PRKCA: variants seen among roughly 807,000 people sequenced by gnomAD.
PRKCA encodes protein kinase C alpha.
In PRKCA, 27 loss-of-function variants were observed where a neutral mutation model predicts 87.0. The observed-to-expected ratio is 0.31, with a 90% CI of 0.23 to 0.43. The LOEUF is 0.43. Ranked by LOEUF, PRKCA falls within the 20% of genes least tolerant of loss-of-function variation. PRKCA has a pLI of 1.00. For synonymous variants in PRKCA, 329 were observed against 311.1 expected, an observed-to-expected ratio of 1.06 and a Z score of -0.61; for missense variants, 518 against 852.3, an observed-to-expected ratio of 0.61 and a Z score of 4.88.
intron 8 of PRKCA, among the ~76,000 whole-genome samples, chr17:66,704,422 A>G (rs971845615): frequency 1.3e-5 from 2 of 152,238 alleles, no homozygotes; most frequent in African/African-American, 2.4e-5. Context: ...TACTAACTCT[A>G]TAATAAAATT....
intron 2 of PRKCA, among the ~76,000 whole-genome samples, chr17:66,376,222 G>C (rs1490694716): frequency 6.6e-6 from 1 of 152,146 alleles, no homozygotes; most frequent in East Asian, 1.9e-4. Flanking sequence ...AGTCATGTTT[G>C]AGAAGGCCCC....
At chr17:66,362,468 C>T (rs904166622) in intron 2 of PRKCA, among the ~76,000 whole-genome samples, 1 of 152,158 alleles carries the variant, frequency 6.6e-6, no homozygotes, top group Non-Finnish European at 1.5e-5. Flanking sequence ...CTCAATTGTC[C>T]CACGATTTCC....
At chr17:66,516,376 C>T (rs559637972) in intron 3 of PRKCA, among the ~76,000 whole-genome samples, 68 of 152,166 alleles carry the variant, frequency 4.5e-4, no homozygotes, top group Middle Eastern at 3.4e-3. Context: ...CTCACCCCTG[C>T]AATCCCAGCA....
At chr17:66,674,724 A>G (rs1242233812) in intron 5 of PRKCA, among the ~76,000 whole-genome samples, 1 of 152,210 alleles carries the variant, frequency 6.6e-6, no homozygotes, top group African/African-American at 2.4e-5. Flanking sequence ...GTGGTAGAGA[A>G]TATCTCAGTT....
At chr17:66,384,604 C>CT (rs1369287735) in intron 2 of PRKCA, among the ~76,000 whole-genome samples, 1 of 151,986 alleles carries the variant, frequency 6.6e-6, no homozygotes, top group Admixed American at 6.5e-5. Flanking sequence ...CAATGACTCC[C>CT]TTCTCTGGTT....
intron 12 of PRKCA, 143 bp from the exon 13 acceptor site, chr17:66,742,479 C>T: frequency 2.3e-6 from 2 of 868,368 alleles, no homozygotes; most frequent in Non-Finnish European, 3.6e-6. Context: ...CACACATTGA[C>T]TTCTGATACT....
chr17:66,633,919 A>T (rs965467112), intron 3 of PRKCA, among the ~76,000 whole-genome samples: 16 of 152,214 alleles, frequency 1.1e-4, no homozygotes, highest in African/African-American at 3.6e-4. Context: ...TTGCAGACTT[A>T]CCTAGAATAT....
chr17:66,367,891 T>C (rs935543777), intron 2 of PRKCA, among the ~76,000 whole-genome samples: 7 of 152,206 alleles, frequency 4.6e-5, no homozygotes, highest in Non-Finnish European at 1.0e-4. Flanking sequence ...AATAAACTGT[T>C]GCATGCTAAT....
intron 13 of PRKCA, among the ~76,000 whole-genome samples, chr17:66,773,436 T>C (rs1301779727): frequency 2.6e-5 from 4 of 151,980 alleles, no homozygotes; most frequent in African/African-American, 9.7e-5. Flanking sequence ...TAAAGCCCTG[T>C]TACATAGTTT....
intron 2 of PRKCA, among the ~76,000 whole-genome samples, chr17:66,374,911 T>G (rs548244451): frequency 2.0e-5 from 3 of 151,926 alleles, no homozygotes; most frequent in East Asian, 3.9e-4. Context: ...ATTTGTATTT[T>G]TAGTAGAGAT....
chr17:66,508,004 A>G (rs938793762), intron 3 of PRKCA, among the ~76,000 whole-genome samples: 4 of 152,182 alleles, frequency 2.6e-5, no homozygotes, highest in African/African-American at 9.6e-5. Flanking sequence ...TGTCATTATA[A>G]CTGTGTTATT....
At chr17:66,739,946 C>T (rs568880808) in intron 11 of PRKCA, among the ~76,000 whole-genome samples, 2 of 152,094 alleles carry the variant, frequency 1.3e-5, no homozygotes, top group Non-Finnish European at 1.5e-5. Context: ...GGTGCAGGCG[C>T]TGGTGAGACC....
At position 66,401,921 on chromosome 17, in the gene PRKCA, G is replaced by A. The variant is rs562889490; in HGVS notation, c.206-94280G>A. Among the ~76,000 whole-genome samples, 8 of 152,300 alleles carry A rather than the reference G, an allele frequency of 5.3e-5. No homozygotes were observed. The South Asian group carries it at 1.7e-3, about 32-fold the overall frequency. On this transcript the variant is annotated intron_variant, in intron 2 of 16. Transcript: ENST00000413366. ...GTGATGTCCAGTTCACCTTGGGTTT[G>A]TGAGTCAAATTTGACAGATTCAGAT...
chr17:66,804,933 T>A lies in PRKCA; in HGVS notation c.*896T>A. 2.1e-6 allele frequency: 2 copies of A among 944,016 alleles called. No homozygotes were observed. The highest frequency in any genetic ancestry group is 2.5e-6 in the Non-Finnish European group (2 of 792,002). The allele number at this position is 944,016 out of a possible 1,614,324, so 58.5% of individuals were successfully genotyped here. A position where few individuals can be genotyped will look rare whatever the true frequency, so the allele number is the denominator to read the frequency against. On this transcript the variant is annotated 3_prime_UTR_variant, in exon 17 of 17. Coordinates refer to ENST00000413366, the MANE Select transcript of PRKCA (RefSeq NM_002737.3). ...CACCCACCCCCACACACACCAACAT[T>A]TTGCTGCCTACCTTGTTATCCTTCT...
chr17:66,664,647 G>GTTTTTTTTTTTTTTTTTTT (rs398031366), intron 5 of PRKCA, among the ~76,000 whole-genome samples: 5 of 67,812 alleles, frequency 7.4e-5, no homozygotes, highest in Admixed American at 1.8e-4. Context: ...TTTTGCTTTG[G>GTTTTTTTTTTTTTTTTTTT]TTTTTTTTTT....
At chr17:66,740,154 G>A (rs1974125603) in intron 11 of PRKCA, among the ~76,000 whole-genome samples, 2 of 9,290 alleles carry the variant, frequency 2.2e-4, no homozygotes, top group Non-Finnish European at 4.2e-4. Flanking sequence ...GGTGGTTTGA[G>A]GGGGGAGATT....
At chr17:66,687,644 A>G (rs1972665544) in intron 6 of PRKCA, among the ~76,000 whole-genome samples, 1 of 152,186 alleles carries the variant, frequency 6.6e-6, no homozygotes, top group Non-Finnish European at 1.5e-5. Context: ...TAATTTTTAG[A>G]CCACAGAATG....
chr17:66,326,491 C>G (rs12373158), intron 2 of PRKCA, among the ~76,000 whole-genome samples: 18,496 of 152,194 alleles, frequency 0.12, 1,142 homozygotes, highest in South Asian at 0.18. Flanking sequence ...TTCAAAGATG[C>G]ATGAAAATGG....
chr17:66,364,935 A>C lies in PRKCA; in HGVS notation c.205+58808A>C, dbSNP rs575295737. 2.0e-5 allele frequency among the ~76,000 whole-genome samples: 3 copies of C among 152,308 alleles called. No homozygotes were observed. The South Asian group carries it at 6.2e-4, about 32-fold the overall frequency. On this transcript the variant is annotated intron_variant, in intron 2 of 16. Transcript: ENST00000413366. The stretch of plus-strand genomic sequence containing the variant: ...TTTCCCACTTGCATACTGTTTCAGA[A>C]CTGAAGAAGGTAAAATCTAATTGTA...
Sources: gnomAD v4.1 joint callset for allele counts (sites outside exome capture counted in the v4.1 genomes callset) on GRCh38, gnomAD v4.1.1 for gene constraint, MANE v1.5 for transcripts, NCBI Gene and HGNC (gene_info 2026-07-23, HGNC 2026-07-21) for gene names.